The following BMP1 variants were observed in gnomAD, a reference collection of about 807,000 sequenced individuals.
The protein encoded by BMP1 is mammalian tolloid protein.
BMP1 carries 63 observed loss-of-function variants against 116.8 expected under a neutral mutation model. The observed-to-expected ratio is 0.54, with a 90% confidence interval of 0.44 to 0.67. BMP1 has a LOEUF of 0.67. Among genes scored for constraint, BMP1 ranks in the 30% least tolerant of loss-of-function variants. BMP1 has a pLI of 0.00. For missense variants in BMP1, 1,183 were observed against 1,358.9 expected (o/e 0.87, Z 2.04); for synonymous variants, 536 against 533.4 (o/e 1.00, Z -0.07).
chr8:22,194,935 C>T lies in BMP1; in HGVS notation c.1639+16C>T, dbSNP rs759976945. The T allele has an allele frequency of 1.9e-6, 3 of 1,595,136 alleles. No homozygotes were observed. The highest frequency in any genetic ancestry group is 2.3e-5 in the South Asian group (2 of 87,136). The stretch of plus-strand genomic sequence containing the variant: ...TTTTTCAAAGGTGCCTCCTCTGTTA[C>T]TCTCCCCTGCCCCAAGGTGCCTCGT... On this transcript the variant is annotated intron_variant, in intron 12 of 19. Transcript: ENST00000306385. This position sits in a 1 kb window ranked among gnomAD's most constrained non-coding sequence, Gnocchi z 4.5.
chr8:22,201,306 A>T, intron 15 of BMP1: 1 of 1,510,472 alleles, frequency 6.6e-7, no homozygotes, highest in South Asian at 1.3e-5. Flanking sequence ...CCACTCTGCC[A>T]TTCCGGCCCA....
At chr8:22,191,942 CA>C in intron 8 of BMP1, 106 bp from the exon 9 acceptor site, 1 of 998,714 alleles carries the variant, frequency 1.0e-6, no homozygotes, top group Non-Finnish European at 1.5e-6. Flanking sequence ...AACTCTCGCC[CA>C]GGGGGACCTG....
intron 1 of BMP1, among the ~76,000 whole-genome samples, chr8:22,167,034 A>C (rs1295324456): frequency 1.3e-5 from 2 of 152,212 alleles, no homozygotes; most frequent in African/African-American, 2.4e-5. Flanking sequence ...AGTTGGTGGT[A>C]AGGGTTAAAT....
intron 9 of BMP1, 132 bp from the exon 10 acceptor site, chr8:22,193,926 A>G: frequency 2.7e-6 from 2 of 730,124 alleles, no homozygotes; most frequent in South Asian, 3.5e-5. Flanking sequence ...CAGAGGGTAT[A>G]CAGTCTTGGG....
chr8:22,178,048 C>A, intron 6 of BMP1, 91 bp downstream of exon 6: 2 of 1,099,454 alleles, frequency 1.8e-6, no homozygotes, highest in Non-Finnish European at 2.6e-6. Context: ...ACTTCTGGGG[C>A]AGTGACCCAG....
At chr8:22,187,425 G>C (rs533511656) in intron 8 of BMP1, among the ~76,000 whole-genome samples, 1 of 151,350 alleles carries the variant, frequency 6.6e-6, no homozygotes, top group Non-Finnish European at 1.5e-5. Context: ...TCCGCCTCCC[G>C]GGTTCAGCCA....
intron 1 of BMP1, among the ~76,000 whole-genome samples, chr8:22,171,946 G>A (rs533461009): frequency 3.2e-4 from 49 of 152,214 alleles, no homozygotes; most frequent in Admixed American, 4.6e-4. Context: ...GCTTTCATGC[G>A]CAAGGATGTG....
At position 22,173,481 on chromosome 8, in the gene BMP1, G is replaced by A. The variant is rs549195189; in HGVS notation, c.149-121G>A. 6 of 617,240 alleles carry A rather than the reference G, an allele frequency of 9.7e-6. No individual in the cohort carries two copies. In the Admixed American group the frequency reaches 1.8e-4, roughly 18 times the overall value. 38.2% of individuals were successfully genotyped at this position (617,240 alleles called of 1,614,324 possible). ...TCTCCTTCTCGTTCAGATGGCATTT[G>A]AGGATCACAGTCGCTGTGGAGGTTG... On this transcript the variant is annotated intron_variant, in intron 1 of 19. Coordinates refer to ENST00000306385, the MANE Select transcript of BMP1 (RefSeq NM_006129.5).
At chr8:22,178,006 GC>G in intron 6 of BMP1, 49 bp downstream of exon 6, 1 of 1,429,880 alleles carries the variant, frequency 7.0e-7, no homozygotes, top group Non-Finnish European at 9.7e-7. Context: ...GCCCCACCCT[GC>G]CCTCTGTAGG....
At chr8:22,195,305 C>T (rs1829050022) in intron 12 of BMP1, among the ~76,000 whole-genome samples, 157 bp from the exon 13 acceptor site, 1 of 152,210 alleles carries the variant, frequency 6.6e-6, no homozygotes, top group Non-Finnish European at 1.5e-5. Flanking sequence ...ACGTGAGAGA[C>T]ACCAGCCCAG....
chr8:22,198,903 A>C, intron 15 of BMP1: 3 of 1,145,146 alleles, frequency 2.6e-6, no homozygotes, highest in Non-Finnish European at 2.2e-6. Context: ...CCCACCTGGG[A>C]CTCCTAAGAG....
intron 16 of BMP1, 142 bp from the exon 17 acceptor site, chr8:22,206,712 C>T (rs1025640389): frequency 2.7e-5 from 34 of 1,261,996 alleles, no homozygotes; most frequent in East Asian, 1.2e-4. Context: ...GAAAAAGAAA[C>T]GATGCCTGCC....
At chr8:22,201,310 C>T (rs1801370) in intron 15 of BMP1, 16 of 1,510,048 alleles carry the variant, frequency 1.1e-5, no homozygotes, top group African/African-American at 8.4e-5. Context: ...TCTGCCATTC[C>T]GGCCCACCTC....
chr8:22,176,473 G>A, intron 3 of BMP1, 60 bp from the exon 4 acceptor site: 2 of 1,585,224 alleles, frequency 1.3e-6, no homozygotes, highest in Non-Finnish European at 1.7e-6. Flanking sequence ...CTCTTCAGTG[G>A]TGGGTAGGGG....
At position 22,180,411 on chromosome 8, in the gene BMP1, C is replaced by G; in HGVS notation, c.1005C>G (p.Ser335=). ...TLQDSTGNFS[S]PEYPNGYSAH... ...AAGACAGCACAGGCAACTTCTCCTC[C>G]CCTGAATACCCCAATGGCTACTCTG... is the stretch of plus-strand genomic sequence containing the variant. Residue 335 remains serine, a synonymous_variant, in exon 8 of 20, where the codon TCC becomes TCG. Transcript: ENST00000306385. 6.2e-7 allele frequency: 1 copy of G among 1,614,036 alleles called. No homozygotes were observed. Among genetic ancestry groups the G allele is most frequent in the Non-Finnish European group, 8.5e-7 (1 of 1,179,958 alleles).
Position 22,207,371 on chromosome 8 carries a change from G to T in BMP1, c.2430G>T (p.Gly810=), listed in dbSNP as rs374092044. The T allele has an allele frequency of 1.5e-5, 25 of 1,614,100 alleles. No homozygotes were observed. In the Admixed American group the frequency reaches 2.5e-4, roughly 16 times the overall value. Reference sequence around the variant, plus strand: ...ACGACCACCTAGAGGTGTTCGACGGGCGAGACGCCAAGGCCCCCGTCCTCG... The same window carrying T: ...ACGACCACCTAGAGGTGTTCGACGGTCGAGACGCCAAGGCCCCCGTCCTCG... ...CAYDHLEVFD[G]RDAKAPVLGR... Residue 810 remains glycine, a synonymous_variant, in exon 18 of 20, where the codon GGG becomes GGT. Coordinates refer to ENST00000306385, the MANE Select transcript of BMP1 (RefSeq NM_006129.5).
At chr8:22,202,803 GT>G (rs1263458927) in intron 16 of BMP1, among the ~76,000 whole-genome samples, 1 of 152,062 alleles carries the variant, frequency 6.6e-6, no homozygotes, top group Non-Finnish European at 1.5e-5. Flanking sequence ...CAGCCCAGGA[GT>G]TTAAGACCAA....
chr8:22,194,378 G>A lies in BMP1; in HGVS notation c.1298-67G>A. 1.3e-6 allele frequency: 2 copies of A among 1,590,778 alleles called. No individual in the cohort carries two copies. Among genetic ancestry groups the A allele is most frequent in the South Asian group, 2.3e-5 (2 of 87,454 alleles). ...GGAGGGACTGGAGGAGTGGGGAAAAGAGCTCCCTAGCAGGGCAAAGCATGC... is the reference window on the plus strand; with the variant it reads ...GGAGGGACTGGAGGAGTGGGGAAAAAAGCTCCCTAGCAGGGCAAAGCATGC... On this transcript the variant is annotated intron_variant, in intron 10 of 19. Coordinates refer to ENST00000306385, the MANE Select transcript of BMP1 (RefSeq NM_006129.5). The surrounding 1 kb of genome is among the most constrained non-coding windows in gnomAD (Gnocchi z 4.5).
Position 22,211,474 on chromosome 8 carries a change from G to A in BMP1, c.2827-120G>A, listed in dbSNP as rs543685291. ...CAAGAAGCCCTATGCTTCAAGGGGC[G>A]GGGAGAATCTGGTGGCTGCCTGGGA... On this transcript the variant is annotated intron_variant, in intron 19 of 19. Coordinates refer to ENST00000306385, the MANE Select transcript of BMP1 (RefSeq NM_006129.5). 51 of 1,387,948 alleles carry A rather than the reference G, an allele frequency of 3.7e-5. No homozygotes were observed. The African/African-American group carries it at 4.3e-4, about 12-fold the overall frequency. The allele number at this position is 1,387,948 out of a possible 1,614,324, so 86.0% of individuals were successfully genotyped here. A position where few individuals can be genotyped will look rare whatever the true frequency, so the allele number is the denominator to read the frequency against.
Sources: gnomAD v4.1 joint callset for allele counts (sites outside exome capture counted in the v4.1 genomes callset) on GRCh38, gnomAD v4.1.1 for gene constraint, Gnocchi (gnomAD v3.1) non-coding constraint, MANE v1.5 for transcripts, NCBI Gene and HGNC (gene_info 2026-07-23, HGNC 2026-07-21) for gene names.